Variants in UACA observed in about 807,000 individuals in gnomAD.
UACA encodes the protein nuclear membrane binding protein.
UACA carries 112 observed loss-of-function variants against 160.5 expected under a neutral mutation model. That is an observed-to-expected ratio of 0.70 (90% CI 0.60 to 0.82). The LOEUF (loss-of-function observed/expected upper bound fraction) is 0.82. Ranked by LOEUF, UACA falls within the 40% of genes least tolerant of loss-of-function variation. UACA has a pLI of 0.00. For synonymous variants in UACA, 557 were observed against 568.4 expected, an observed-to-expected ratio of 0.98 and a Z score of 0.29; for missense variants, 1,574 against 1,614.6, an observed-to-expected ratio of 0.97 and a Z score of 0.43.
In UACA at chr15:70,701,725, A is replaced by G. The variant is rs905896178; in HGVS notation, c.79-2065T>C. On this transcript the variant is annotated intron_variant, in intron 1 of 18. Coordinates refer to ENST00000322954, the MANE Select transcript of UACA (RefSeq NM_018003.4). Reference sequence around the variant, plus strand: ...CCAGAGAAAGAAAGAACTTTTGTTTACTATTACTAACCCCAATCTGCTAAT... The same window carrying G: ...CCAGAGAAAGAAAGAACTTTTGTTTGCTATTACTAACCCCAATCTGCTAAT... The G allele has an allele frequency of 7.9e-6, 5 of 636,868 alleles. No individual in the cohort carries two copies. The African/African-American group carries it at 9.4e-5, about 12-fold the overall frequency. 39.5% of individuals were successfully genotyped at this position (636,868 alleles called of 1,614,324 possible). A position where few individuals can be genotyped will look rare whatever the true frequency, so the allele number is the denominator to read the frequency against.
intron 18 of UACA, among the ~76,000 whole-genome samples, chr15:70,659,391 GTTTGTTT>G (rs1896602393): frequency 3.0e-4 from 3 of 9,960 alleles, no homozygotes; most frequent in African/African-American, 4.9e-4. Context: ...TTCATTTTTT[GTTTGTTT>G]TTTTTTTTTT....
rs188247050 is a variant in UACA at position 70,670,822 on chromosome 15, T to G, written c.1221+217A>C. Among the ~76,000 whole-genome samples the G allele has an allele frequency of 3.5e-4, 53 of 152,276 alleles. 1 individual carries two copies. Among genetic ancestry groups the G allele is most frequent in the African/African-American group, 1.1e-3 (44 of 41,564 alleles). ...TGAAACTATAATTCAAATCTCTTAT[T>G]ATAACCACTATCATCAAAAACACTC... On this transcript the variant is annotated intron_variant, in intron 15 of 18. Transcript: ENST00000322954.
intron 18 of UACA, among the ~76,000 whole-genome samples, chr15:70,657,826 AATCCC>A (rs1374222072): frequency 1.3e-5 from 2 of 152,092 alleles, no homozygotes; most frequent in Non-Finnish European, 2.9e-5. Context: ...TCACACCTGC[AATCCC>A]AGCATTTTGG....
At chr15:70,735,147 T>TAAAA (rs1555415817) in intron 1 of UACA, among the ~76,000 whole-genome samples, 63 of 3,010 alleles carry the variant, frequency 0.021, 1 homozygote, top group East Asian at 0.051. Context: ...TAGAGTATAA[T>TAAAA]AAAAAAAAAA....
At position 70,666,987 on chromosome 15, in the gene UACA, T is replaced by C. The variant is rs1485354177; in HGVS notation, c.3697A>G (p.Lys1233Glu). Residue 1233 changes from lysine to glutamate, a missense_variant, in exon 16 of 19, where the codon AAA (lysine) becomes GAA (glutamate). Transcript: ENST00000322954. ...VVDLSKYKAT[K>E]SDLETQISSL... ...GAAATCTGTGTCTCCAAATCACTTT[T>C]TGTTGCTTTATATTTAGACAAGTCA... 6.2e-7 allele frequency: 1 copy of C among 1,613,014 alleles called. No individual in the cohort carries two copies. The highest frequency in any genetic ancestry group is 8.5e-7 in the Non-Finnish European group (1 of 1,179,850).
At chr15:70,712,167 C>T (rs1898703259) in intron 1 of UACA, among the ~76,000 whole-genome samples, 1 of 151,082 alleles carries the variant, frequency 6.6e-6, no homozygotes, top group South Asian at 2.1e-4. Flanking sequence ...GATCCTACTC[C>T]AAGTTTCATT....
intron 4 of UACA, 131 bp from the exon 5 acceptor site, chr15:70,690,642 A>C (rs1347363137): frequency 3.1e-6 from 2 of 646,394 alleles, no homozygotes; most frequent in Non-Finnish European, 5.4e-6. Context: ...ACTATCCGAC[A>C]ATCCATGAAA....
intron 10 of UACA, among the ~76,000 whole-genome samples, chr15:70,678,766 T>C (rs1438524627): frequency 6.6e-6 from 1 of 152,120 alleles, no homozygotes; most frequent in Non-Finnish European, 1.5e-5. Flanking sequence ...TCTAAAATAA[T>C]CCTCATAATA....
intron 1 of UACA, among the ~76,000 whole-genome samples, chr15:70,759,764 T>A (rs1384235353): frequency 6.6e-6 from 1 of 152,154 alleles, no homozygotes; most frequent in Non-Finnish European, 1.5e-5. Context: ...TCCACAAATG[T>A]AGTTTATCCA....
Position 70,667,980 on chromosome 15 carries a change from C to A in UACA, c.2704G>T (p.Asp902Tyr), listed in dbSNP as rs753763851. ...TTTCTTTTTAATATTTCATTCTTAT[C>A]TTTTATTTTTACAAATTCCTGATTT... ...DINQEFVKIK[D>Y]KNEILKRNLE... is the part of the protein sequence containing the mutation. Residue 902 changes from aspartate to tyrosine, a missense_variant, in exon 16 of 19, where the codon GAT becomes TAT. Coordinates refer to ENST00000322954, the MANE Select transcript of UACA (RefSeq NM_018003.4). 1.1e-5 allele frequency: 18 copies of A among 1,599,998 alleles called. No individual in the cohort carries two copies. In the South Asian group the frequency reaches 1.5e-4, roughly 13 times the overall value.
chr15:70,763,533 G>C lies in UACA; in HGVS notation c.-126C>G. The C allele has an allele frequency of 1.6e-6, 2 of 1,246,118 alleles. No homozygotes were observed. The highest frequency in any genetic ancestry group is 7.3e-5 in the South Asian group (2 of 27,296). The allele number at this position is 1,246,118 out of a possible 1,614,324, so 77.2% of individuals were successfully genotyped here. On this transcript the variant is annotated 5_prime_UTR_variant, in exon 1 of 19. Coordinates refer to ENST00000322954, the MANE Select transcript of UACA (RefSeq NM_018003.4). ...TACCAGCCCCACCTGCCTGCCACCT[G>C]CGGGCCCCGGGCAGCAGACGTCGAC...
In UACA at chr15:70,668,347, C is replaced by T; in HGVS notation, c.2337G>A (p.Lys779=). ...LDVTQKYTEK[K]LEMEKLLLEN... is the part of the protein sequence containing the mutation. ...CCAGTAGCAATTTCTCCATTTCCAA[C>T]TTCTTTTCTGTATATTTTTGTGTTA... Residue 779 remains lysine, a synonymous_variant, in exon 16 of 19, where the codon AAG becomes AAA. Transcript: ENST00000322954. 1.9e-6 allele frequency: 3 copies of T among 1,609,380 alleles called. No individual in the cohort carries two copies. The South Asian group carries it at 3.4e-5, about 18-fold the overall frequency.
intron 1 of UACA, among the ~76,000 whole-genome samples, chr15:70,719,973 C>T (rs1052393558): frequency 2.6e-5 from 4 of 152,132 alleles, no homozygotes; most frequent in South Asian, 2.1e-4. Flanking sequence ...TTTGGATCAG[C>T]GTCCCCACCC....
At chr15:70,751,110 T>G (rs2141011656) in intron 1 of UACA, among the ~76,000 whole-genome samples, 1 of 152,210 alleles carries the variant, frequency 6.6e-6, no homozygotes, top group South Asian at 2.1e-4. Context: ...GACTCCCCAC[T>G]CTTCTGCCCC....
intron 1 of UACA, among the ~76,000 whole-genome samples, chr15:70,726,045 A>G (rs1899134830): frequency 6.6e-6 from 1 of 152,122 alleles, no homozygotes; most frequent in Non-Finnish European, 1.5e-5. Context: ...AAACATCTGA[A>G]TCTTATTCAT....
chr15:70,722,128 T>C (rs949532962), intron 1 of UACA, among the ~76,000 whole-genome samples: 3 of 152,214 alleles, frequency 2.0e-5, no homozygotes, highest in African/African-American at 7.2e-5. Flanking sequence ...ATTCAAATGA[T>C]GGGTGATGCA....
rs1966519 is a variant in UACA at position 70,744,062 on chromosome 15, G to A, written c.78+19268C>T. On this transcript the variant is annotated intron_variant, in intron 1 of 18. Coordinates refer to ENST00000322954, the MANE Select transcript of UACA (RefSeq NM_018003.4). ...GATCGAGACCATCCTGGCTAACACG[G>A]TGAAACCCCGTCTCTACTAAAAATA... Among the ~76,000 whole-genome samples, 1,306 of 152,054 alleles carry A rather than the reference G, an allele frequency of 8.6e-3. 17 individuals are homozygous for A. The highest frequency in any genetic ancestry group is 0.029 in the African/African-American group (1,210 of 41,474).
At chr15:70,756,799 GGA>G (rs1438952088) in intron 1 of UACA, among the ~76,000 whole-genome samples, 1 of 152,164 alleles carries the variant, frequency 6.6e-6, no homozygotes, top group Admixed American at 6.5e-5. Context: ...CTTGAACCCG[GGA>G]GGCGGAGGTT....
intron 1 of UACA, among the ~76,000 whole-genome samples, chr15:70,727,926 A>C (rs1224240011): frequency 1.3e-5 from 2 of 152,208 alleles, no homozygotes; most frequent in African/African-American, 4.8e-5. Context: ...TTCACAGAGC[A>C]GCTCAAAGTG....
Sources: gnomAD v4.1 joint callset for allele counts (sites outside exome capture counted in the v4.1 genomes callset) on GRCh38, gnomAD v4.1.1 for gene constraint, MANE v1.5 for transcripts, NCBI Gene and HGNC (gene_info 2026-07-23, HGNC 2026-07-21) for gene names.